DSE: variants seen among roughly 807,000 people sequenced by gnomAD.
The protein encoded by DSE is dermatan sulfate epimerase.
DSE carries 36 observed loss-of-function variants against 84.4 expected under a neutral mutation model. That is an observed-to-expected ratio of 0.43 (90% CI 0.33 to 0.56). DSE has a LOEUF of 0.56. Among genes scored for constraint, DSE ranks in the 20% least tolerant of loss-of-function variants. The probability of loss-of-function intolerance (pLI) is 0.06; values close to 1 mark genes in which losing one functional copy is unlikely to be tolerated. For missense variants in DSE, 862 were observed against 1,169.6 expected (o/e 0.74, Z 3.84); for synonymous variants, 410 against 430.1 (o/e 0.95, Z 0.58).
At chr6:116,343,219 C>A (rs1339495503) in intron 2 of DSE, among the ~76,000 whole-genome samples, 1 of 152,204 alleles carries the variant, frequency 6.6e-6, no homozygotes, top group Non-Finnish European at 1.5e-5. Flanking sequence ...CCTCTGTGGG[C>A]AGGGCATAGC....
chr6:116,372,632 C>CTGTATTGTGACCTCTTCCTT (rs1329676617), intron 1 of DSE, among the ~76,000 whole-genome samples: 1 of 152,178 alleles, frequency 6.6e-6, no homozygotes, highest in Non-Finnish European at 1.5e-5. Context: ...ACTTAGATTT[C>CTGTATTGTGACCTCTTCCTT]TGTATTGTGA....
chr6:116,271,944 T>C (rs1772898495), intron 2 of DSE, among the ~76,000 whole-genome samples: 2 of 152,208 alleles, frequency 1.3e-5, no homozygotes, highest in Admixed American at 1.3e-4. Flanking sequence ...GGAGCACTAT[T>C]ACCCCTGCAA....
At chr6:116,283,697 C>A (rs1773685090) in intron 2 of DSE, among the ~76,000 whole-genome samples, 1 of 152,218 alleles carries the variant, frequency 6.6e-6, no homozygotes, top group South Asian at 2.1e-4. Flanking sequence ...ACACTGGCCA[C>A]CACACACGGC....
At chr6:116,358,604 C>T (rs980889802) in intron 2 of DSE, among the ~76,000 whole-genome samples, 1 of 152,172 alleles carries the variant, frequency 6.6e-6, no homozygotes, top group African/African-American at 2.4e-5. Context: ...CTTACAACTC[C>T]AACTACTGCA....
chr6:116,318,970 C>A (rs1265010498), intron 2 of DSE, among the ~76,000 whole-genome samples: 4 of 152,126 alleles, frequency 2.6e-5, no homozygotes, highest in Non-Finnish European at 5.9e-5. Flanking sequence ...CGCTCTTTTT[C>A]TGTTTAGGAT....
chr6:116,287,290 T>A (rs1236457787), intron 2 of DSE, among the ~76,000 whole-genome samples: 1 of 152,130 alleles, frequency 6.6e-6, no homozygotes, highest in Admixed American at 6.6e-5. Flanking sequence ...TCAGTAAATT[T>A]TGTGAATATG....
At chr6:116,306,073 G>C (rs1374571216) in intron 2 of DSE, among the ~76,000 whole-genome samples, 1 of 152,002 alleles carries the variant, frequency 6.6e-6, no homozygotes, top group African/African-American at 2.4e-5. Flanking sequence ...TGTGTGTATA[G>C]ATACACATAC....
chr6:116,281,030 G>A (rs1773497504), intron 2 of DSE, among the ~76,000 whole-genome samples: 1 of 152,178 alleles, frequency 6.6e-6, no homozygotes, highest in African/African-American at 2.4e-5. Context: ...TTAAAGATTT[G>A]GAGATGAGAA....
At position 116,254,210 on chromosome 6, in the gene DSE, C is replaced by G. The variant is rs9481616; in HGVS notation, c.-661C>G. 7.8e-3 allele frequency: 5,584 copies of G among 718,616 alleles called. 207 individuals are homozygous for G. In the African/African-American group the frequency reaches 0.083, roughly 11 times the overall value. 44.5% of individuals were successfully genotyped at this position (718,616 alleles called of 1,614,324 possible). A position where few individuals can be genotyped will look rare whatever the true frequency, so the allele number is the denominator to read the frequency against. On this transcript the variant is annotated 5_prime_UTR_variant, in exon 1 of 4. Coordinates refer to the DSE transcript ENST00000430252. ...CTACGCTTATCAATCCATCGTATTC[C>G]TTTGTCTTCTTGTCACAAAAAGAAT...
In DSE at chr6:116,399,535, T is replaced by G. The variant is rs781449748; in HGVS notation, c.285T>G (p.Ser95Arg). 5.0e-6 allele frequency: 8 copies of G among 1,614,066 alleles called. No individual in the cohort carries two copies. The African/African-American group carries it at 5.3e-5, about 11-fold the overall frequency. ...CTCCCTGGGATCCCAAGGACTACAGTGCCCGCTGGAATGAAATTTTTGGAA... is the reference window on the plus strand; with the variant it reads ...CTCCCTGGGATCCCAAGGACTACAGGGCCCGCTGGAATGAAATTTTTGGAA... Reference protein sequence around the residue: ...YLPPWDPKDYSARWNEIFGNN... With the variant: ...YLPPWDPKDYRARWNEIFGNN... Residue 95 changes from serine to arginine, a missense_variant, in exon 2 of 6, where the codon AGT (serine) becomes AGG (arginine). By Grantham distance (110) the Ser-to-Arg change is moderately radical. Transcript: ENST00000644252.
chr6:116,339,917 T>G (rs1373851934), intron 2 of DSE, among the ~76,000 whole-genome samples: 1 of 152,236 alleles, frequency 6.6e-6, no homozygotes, highest in Non-Finnish European at 1.5e-5. Flanking sequence ...TTTGAATGTC[T>G]CTTTACTGAT....
chr6:116,310,274 T>C (rs981628514), intron 2 of DSE, among the ~76,000 whole-genome samples: 7 of 152,118 alleles, frequency 4.6e-5, no homozygotes, highest in African/African-American at 1.7e-4. Flanking sequence ...GTGGCCGTGG[T>C]CCTCTGCTTT....
chr6:116,384,498 G>T lies in DSE; in HGVS notation c.-54+13377G>T, dbSNP rs533931248. Among the ~76,000 whole-genome samples the T allele has an allele frequency of 3.2e-4, 49 of 152,232 alleles. No homozygotes were observed. In the South Asian group the frequency reaches 1.0e-2, roughly 31 times the overall value. On this transcript the variant is annotated intron_variant, in intron 1 of 5. Coordinates refer to ENST00000644252, the MANE Select transcript of DSE (RefSeq NM_013352.4). ...ACTTAGTGGGAGCTTTGTGCCTTGG[G>T]GGAGGCTGGGAAGGCACTGGCCGTG...
At chr6:116,338,718 CTT>C (rs1777413235) in intron 2 of DSE, among the ~76,000 whole-genome samples, 1 of 152,214 alleles carries the variant, frequency 6.6e-6, no homozygotes, top group Non-Finnish European at 1.5e-5. Flanking sequence ...ATCCACACAG[CTT>C]ATTCTATTTA....
chr6:116,393,076 CTG>C lies in DSE; in HGVS notation c.-53-6118_-53-6117del, dbSNP rs773627348. 2.1e-4 allele frequency among the ~76,000 whole-genome samples: 32 copies of C among 152,190 alleles called. 1 individual carries two copies. The highest frequency in any genetic ancestry group is 4.4e-4 in the Non-Finnish European group (30 of 68,038). ...TAAGAAACAGCTTTCCAGCCAGGGA[CTG>C]TGTTTCCCAGTCGCTGTTAGATCGG... On this transcript the variant is annotated intron_variant, in intron 1 of 5. Coordinates refer to ENST00000644252, the MANE Select transcript of DSE (RefSeq NM_013352.4).
chr6:116,258,550 G>T, exon 2 of DSE: 1 of 1,453,218 alleles, frequency 6.9e-7, no homozygotes, highest in Non-Finnish European at 9.7e-7. Flanking sequence ...CTTCTTAATG[G>T]CATAGGAGTT....
At chr6:116,392,685 G>A (rs551500704) in intron 1 of DSE, among the ~76,000 whole-genome samples, 19 of 152,280 alleles carry the variant, frequency 1.2e-4, no homozygotes, top group African/African-American at 4.3e-4. Flanking sequence ...TTATGGTAGC[G>A]ATCTTAACTG....
intron 2 of DSE, among the ~76,000 whole-genome samples, chr6:116,261,143 C>T (rs918255419): frequency 2.6e-5 from 4 of 151,936 alleles, no homozygotes; most frequent in Non-Finnish European, 4.4e-5. Flanking sequence ...TATGCATCTC[C>T]GATTTCTTTG....
At chr6:116,372,340 C>CATAT (rs1562262225) in intron 1 of DSE, among the ~76,000 whole-genome samples, 4 of 152,066 alleles carry the variant, frequency 2.6e-5, no homozygotes, top group Non-Finnish European at 4.4e-5. Context: ...TGGTGGCGGG[C>CATAT]GCCTGTAGTC....
Sources: gnomAD v4.1 joint callset for allele counts (sites outside exome capture counted in the v4.1 genomes callset) on GRCh38, gnomAD v4.1.1 for gene constraint, MANE v1.5 for transcripts, NCBI Gene and HGNC (gene_info 2026-07-23, HGNC 2026-07-21) for gene names.